Variants in GRID2 observed in about 807,000 individuals in gnomAD.
The protein encoded by GRID2 is glutamate receptor ionotropic, delta-2.
GRID2 carries 33 observed loss-of-function variants against 114.8 expected under a neutral mutation model. That is an observed-to-expected ratio of 0.29 (90% confidence interval 0.22 to 0.38). The LOEUF is 0.38. Among genes scored for constraint, GRID2 ranks in the 10% least tolerant of loss-of-function variants. GRID2 has a pLI of 1.00. For synonymous variants in GRID2, 505 were observed against 449.9 expected, an observed-to-expected ratio of 1.12 and a Z score of -1.55; for missense variants, 1,184 against 1,257.7, an observed-to-expected ratio of 0.94 and a Z score of 0.89.
At chr4:93,330,248 T>C (rs1758288276) in intron 8 of GRID2, among the ~76,000 whole-genome samples, 1 of 152,164 alleles carries the variant, frequency 6.6e-6, no homozygotes. Flanking sequence ...CACAAAACCC[T>C]ATCTCTCCTA....
chr4:92,774,098 A>G (rs1423420789), intron 2 of GRID2, among the ~76,000 whole-genome samples: 3 of 152,152 alleles, frequency 2.0e-5, no homozygotes, highest in Non-Finnish European at 4.4e-5. Flanking sequence ...AACAAGACCC[A>G]TGAAAACATG....
intron 2 of GRID2, among the ~76,000 whole-genome samples, chr4:92,657,661 TA>T (rs901595116): frequency 1.5e-4 from 22 of 149,456 alleles, no homozygotes; most frequent in South Asian, 4.3e-4. Flanking sequence ...AAAACAAAAT[TA>T]AAAAAACACT....
intron 1 of GRID2, among the ~76,000 whole-genome samples, chr4:92,415,768 A>ATG (rs1358258328): frequency 7.5e-6 from 1 of 133,732 alleles, no homozygotes; most frequent in Admixed American, 7.6e-5. Context: ...ATATATATAT[A>ATG]TATATATATA....
chr4:93,713,787 A>G (rs565066654), intron 14 of GRID2, among the ~76,000 whole-genome samples: 1 of 152,214 alleles, frequency 6.6e-6, no homozygotes, highest in East Asian at 1.9e-4. Context: ...TTTCACTCAA[A>G]ACTCCAGCTT....
intron 1 of GRID2, among the ~76,000 whole-genome samples, chr4:92,411,655 G>GTGTGTGTATA: frequency 8.3e-5 from 7 of 84,722 alleles, no homozygotes; most frequent in Admixed American, 4.7e-4. Flanking sequence ...GTGTGTGTGT[G>GTGTGTGTATA]TATATATATA....
chr4:93,086,657 G>T (rs958030507), intron 3 of GRID2, among the ~76,000 whole-genome samples: 8 of 152,064 alleles, frequency 5.3e-5, no homozygotes, highest in African/African-American at 1.9e-4. Context: ...CTTAATTCAC[G>T]TTATTAAGGG....
At chr4:92,870,827 AGGT>A (rs1424661912) in intron 2 of GRID2, among the ~76,000 whole-genome samples, 2 of 152,138 alleles carry the variant, frequency 1.3e-5, no homozygotes, top group Non-Finnish European at 2.9e-5. Context: ...TATATGGCAA[AGGT>A]GTGTGTGTGT....
At chr4:93,807,356 T>C (rs1045748230) in exon 2 of GRID2, 1 of 152,236 alleles carries the variant, frequency 6.6e-6, no homozygotes, top group Non-Finnish European at 1.5e-5. Context: ...CTTCTAATGC[T>C]TATTGAATCA....
intron 10 of GRID2, among the ~76,000 whole-genome samples, chr4:93,423,309 A>G (rs72884570): frequency 0.07 from 10,514 of 150,028 alleles, 916 homozygotes; most frequent in African/African-American, 0.2. Context: ...TAAGTTACAC[A>G]TGCAATTTGT....
intron 8 of GRID2, among the ~76,000 whole-genome samples, chr4:93,274,981 A>T (rs912867242): frequency 2.0e-5 from 3 of 151,994 alleles, no homozygotes; most frequent in African/African-American, 7.2e-5. Flanking sequence ...ATATATCCAC[A>T]AAGTTATTCA....
chr4:92,356,998 G>A lies in GRID2; in HGVS notation c.88+52254G>A, dbSNP rs573362858. Among the ~76,000 whole-genome samples, 4 of 151,848 alleles carry A rather than the reference G, an allele frequency of 2.6e-5. No homozygotes were observed. The South Asian group carries it at 6.2e-4, about 24-fold the overall frequency. ...TACCAAATTATTATGGTTTCTAAGA[G>A]CAACATGCACGGATCCACAAAACCT... On this transcript the variant is annotated intron_variant, in intron 1 of 15. Coordinates refer to ENST00000282020, the MANE Select transcript of GRID2 (RefSeq NM_001510.4).
chr4:93,493,002 G>A (rs1727166289), intron 12 of GRID2, among the ~76,000 whole-genome samples: 1 of 151,748 alleles, frequency 6.6e-6, no homozygotes, highest in South Asian at 2.1e-4. Context: ...TATAATATTT[G>A]TCTTTCTGTG....
chr4:93,360,924 T>C (rs1215231317), intron 8 of GRID2, among the ~76,000 whole-genome samples: 1 of 152,078 alleles, frequency 6.6e-6, no homozygotes, highest in Non-Finnish European at 1.5e-5. Flanking sequence ...TTCTAAGATT[T>C]TCACATTGTA....
At chr4:92,476,935 G>A (rs1056411040) in intron 1 of GRID2, among the ~76,000 whole-genome samples, 2 of 148,702 alleles carry the variant, frequency 1.3e-5, no homozygotes, top group African/African-American at 5.0e-5. Context: ...ACCGACTGGT[G>A]GAGTGGTCCA....
chr4:92,794,584 C>T (rs1416727842), intron 2 of GRID2, among the ~76,000 whole-genome samples: 1 of 151,610 alleles, frequency 6.6e-6, no homozygotes, highest in African/African-American at 2.4e-5. Context: ...ACTCCAAAAA[C>T]TGCCGAATAT....
chr4:92,843,437 T>G (rs942273767), intron 2 of GRID2, among the ~76,000 whole-genome samples: 1 of 152,192 alleles, frequency 6.6e-6, no homozygotes, highest in Non-Finnish European at 1.5e-5. Flanking sequence ...GCTATACTTA[T>G]TGATGTCTGC....
chr4:93,359,079 C>T (rs1761623775), intron 8 of GRID2, among the ~76,000 whole-genome samples: 1 of 151,998 alleles, frequency 6.6e-6, no homozygotes, highest in Admixed American at 6.6e-5. Flanking sequence ...CATCTGTGGT[C>T]AACTGGCAAG....
At chr4:93,503,328 T>C (rs779355797) in intron 12 of GRID2, among the ~76,000 whole-genome samples, 4 of 152,124 alleles carry the variant, frequency 2.6e-5, no homozygotes, top group Non-Finnish European at 5.9e-5. Flanking sequence ...CAAATTCTTT[T>C]TATTTTATTA....
At chr4:92,504,224 T>C (rs545694650) in intron 1 of GRID2, among the ~76,000 whole-genome samples, 1 of 152,172 alleles carries the variant, frequency 6.6e-6, no homozygotes, top group Middle Eastern at 3.4e-3. Flanking sequence ...TATGGAATAA[T>C]GTAAGCAAAG....
Sources: allele counts gnomAD v4.1 joint callset (sites outside exome capture counted in the v4.1 genomes callset), GRCh38; gene constraint gnomAD v4.1.1; transcripts MANE v1.5; gene names NCBI Gene and HGNC (gene_info 2026-07-23, HGNC 2026-07-21).